The following GRIK2 variants were observed in gnomAD, a reference collection of about 807,000 sequenced individuals.
GRIK2 encodes glutamate ionotropic receptor kainate type subunit 2.
Under a neutral mutation model 100.3 loss-of-function variants are expected in GRIK2, and 32 were observed. The ratio of observed to expected loss-of-function variants is 0.32; its 90% CI spans 0.24 to 0.43. The LOEUF is 0.43. Ranked by LOEUF, GRIK2 falls within the 20% of genes least tolerant of loss-of-function variation. The probability of loss-of-function intolerance (pLI) is 1.00; values close to 1 mark genes in which losing one functional copy is unlikely to be tolerated. For missense variants in GRIK2, 843 were observed against 1,114.9 expected (o/e 0.76, Z 3.47); for synonymous variants, 417 against 389.4 (o/e 1.07, Z -0.83).
At chr6:101,490,995 T>A (rs750278189) in intron 2 of GRIK2, among the ~76,000 whole-genome samples, 2 of 146,060 alleles carry the variant, frequency 1.4e-5, no homozygotes, top group Non-Finnish European at 3.0e-5. Context: ...AAGAAAAGTC[T>A]TCAGGGATTA....
At chr6:101,896,683 T>C (rs936266748) in intron 12 of GRIK2, among the ~76,000 whole-genome samples, 2 of 151,614 alleles carry the variant, frequency 1.3e-5, no homozygotes, top group Non-Finnish European at 3.0e-5. Flanking sequence ...CAGAATTGAG[T>C]GGAAAGACTC....
At chr6:101,726,597 G>C (rs572938865) in intron 7 of GRIK2, among the ~76,000 whole-genome samples, 1 of 151,890 alleles carries the variant, frequency 6.6e-6, no homozygotes, top group Non-Finnish European at 1.5e-5. Context: ...CAGGTAGAAA[G>C]TAGAACATAC....
intron 9 of GRIK2, among the ~76,000 whole-genome samples, chr6:101,813,500 T>G (rs139950540): frequency 8.5e-5 from 13 of 152,180 alleles, no homozygotes; most frequent in African/African-American, 3.1e-4. Context: ...CAGAAGAAAC[T>G]GTGGCTAGAT....
At chr6:101,947,511 A>G (rs1384862594) in intron 14 of GRIK2, among the ~76,000 whole-genome samples, 1 of 152,186 alleles carries the variant, frequency 6.6e-6, no homozygotes, top group Non-Finnish European at 1.5e-5. Context: ...AAGGAGCATT[A>G]TAAGTACAGA....
At chr6:101,541,796 T>C (rs1441603714) in intron 2 of GRIK2, among the ~76,000 whole-genome samples, 2 of 151,960 alleles carry the variant, frequency 1.3e-5, no homozygotes, top group Non-Finnish European at 2.9e-5. Flanking sequence ...AGCCACTGGA[T>C]AGTGATGGAG....
At chr6:101,671,617 G>A (rs2128338073) in intron 4 of GRIK2, among the ~76,000 whole-genome samples, 1 of 152,296 alleles carries the variant, frequency 6.6e-6, no homozygotes, top group South Asian at 2.1e-4. Flanking sequence ...TGTAATCCCA[G>A]CACTTTGGGA....
intron 3 of GRIK2, among the ~76,000 whole-genome samples, chr6:101,624,858 A>G (rs1234440837): frequency 1.3e-5 from 2 of 152,088 alleles, no homozygotes; most frequent in Non-Finnish European, 2.9e-5. Flanking sequence ...CAGCCTGCCA[A>G]GTAGCTAGGA....
intron 2 of GRIK2, among the ~76,000 whole-genome samples, chr6:101,403,722 G>A (rs1029566191): frequency 9.9e-5 from 15 of 152,158 alleles, no homozygotes; most frequent in Non-Finnish European, 2.9e-5. Flanking sequence ...GAGAGGTGAG[G>A]TGGGCGGGAG....
At chr6:101,606,928 G>T (rs561502681) in intron 2 of GRIK2, among the ~76,000 whole-genome samples, 1 of 151,986 alleles carries the variant, frequency 6.6e-6, no homozygotes, top group African/African-American at 2.4e-5. Flanking sequence ...TGTACTTTGT[G>T]CCACGCTTTC....
intron 2 of GRIK2, among the ~76,000 whole-genome samples, chr6:101,594,854 T>C (rs1030228206): frequency 4.6e-5 from 7 of 151,728 alleles, no homozygotes; most frequent in Non-Finnish European, 7.4e-5. Context: ...GGAATCAGAA[T>C]TGGTGAGACA....
At chr6:101,871,069 T>C (rs2128448280) in intron 11 of GRIK2, among the ~76,000 whole-genome samples, 1 of 151,944 alleles carries the variant, frequency 6.6e-6, no homozygotes, top group East Asian at 1.9e-4. Context: ...AATAGCATTT[T>C]TGTCAGGCAG....
At position 102,014,544 on chromosome 6, in the gene GRIK2, ATT is replaced by A. The variant is rs572984725; in HGVS notation, c.2086-20796_2086-20795del. On this transcript the variant is annotated intron_variant, in intron 14 of 16. Transcript: ENST00000369134. ...TTTAATTGTGATGTTAGGTTGTTAA[ATT>A]GAGTTCTTTCTAACATTTTGATGTG... Among the ~76,000 whole-genome samples, 334 of 152,034 alleles carry A rather than the reference ATT, an allele frequency of 2.2e-3. 2 individuals are homozygous for A. Among genetic ancestry groups the A allele is most frequent in the African/African-American group, 7.5e-3 (313 of 41,492 alleles).
At chr6:101,908,640 A>G (rs2518213) in intron 12 of GRIK2, among the ~76,000 whole-genome samples, 129,363 of 151,160 alleles carry the variant, frequency 0.86, 55,534 homozygotes, top group East Asian at 0.94. Flanking sequence ...TAATTATATA[A>G]AATAATGTAG....
chr6:101,415,622 G>C (rs988394828), intron 2 of GRIK2, among the ~76,000 whole-genome samples: 1 of 151,762 alleles, frequency 6.6e-6, no homozygotes, highest in East Asian at 1.9e-4. Flanking sequence ...CACCCGCCTC[G>C]GCCTCCCAAA....
intron 2 of GRIK2, among the ~76,000 whole-genome samples, chr6:101,593,156 G>T (rs1257580047): frequency 6.6e-6 from 1 of 151,870 alleles, no homozygotes; most frequent in Admixed American, 6.6e-5. Flanking sequence ...AACTTGGTTT[G>T]GTGTTGGCAT....
At chr6:101,997,666 C>T (rs1450010809) in intron 14 of GRIK2, among the ~76,000 whole-genome samples, 1 of 152,012 alleles carries the variant, frequency 6.6e-6, no homozygotes, top group African/African-American at 2.4e-5. Flanking sequence ...GTCAAAGTAT[C>T]TGTCTGTCTA....
rs1777655953 is a variant in GRIK2 at position 101,761,399 on chromosome 6, TAAAGGCA to T, written c.952-38246_952-38240del. 2.0e-5 allele frequency among the ~76,000 whole-genome samples: 3 copies of T among 152,114 alleles called. No homozygotes were observed. The South Asian group carries it at 6.2e-4, about 32-fold the overall frequency. On this transcript the variant is annotated intron_variant, in intron 7 of 16. Coordinates refer to ENST00000369134, the MANE Select transcript of GRIK2 (RefSeq NM_021956.5). Reference sequence around the variant, plus strand: ...TATTTTAAGTTAATACAGGTTCCCCTAAAGGCAAATATAACTGACTCATTAGGAAATC... The same window carrying T: ...TATTTTAAGTTAATACAGGTTCCCCTAATATAACTGACTCATTAGGAAATC...
chr6:101,549,748 A>G (rs1345013113), intron 2 of GRIK2, among the ~76,000 whole-genome samples: 1 of 152,166 alleles, frequency 6.6e-6, no homozygotes, highest in African/African-American at 2.4e-5. Flanking sequence ...CCAAAGTAAT[A>G]AAAACTAACA....
Position 102,069,001 on chromosome 6 carries a change from C to G in GRIK2, c.*490C>G, listed in dbSNP as rs1357803152. ...ATGATGTTACTAGCCCCCAACTACT[C>G]AGTATAATTATTGTCTGAATGCAAA... On this transcript the variant is annotated 3_prime_UTR_variant, in exon 17 of 17. Transcript: ENST00000369134. 1 of 152,614 alleles carries G rather than the reference C, an allele frequency of 6.6e-6. No individual in the cohort carries two copies. The highest frequency in any genetic ancestry group is 1.5e-5 in the Non-Finnish European group (1 of 68,468). 9.5% of individuals were successfully genotyped at this position (152,614 alleles called of 1,614,324 possible). A position where few individuals can be genotyped will look rare whatever the true frequency, so the allele number is the denominator to read the frequency against.
Sources: allele counts gnomAD v4.1 joint callset (sites outside exome capture counted in the v4.1 genomes callset), GRCh38; gene constraint gnomAD v4.1.1; transcripts MANE v1.5; gene names NCBI Gene and HGNC (gene_info 2026-07-23, HGNC 2026-07-21).